ADAMTSL1: variants seen among roughly 807,000 people sequenced by gnomAD.
ADAMTSL1 encodes ADAMTS-like protein 1.
In ADAMTSL1, 126 loss-of-function variants were observed where a neutral mutation model predicts 201.8. That is an observed-to-expected ratio of 0.62 (90% CI 0.54 to 0.72). ADAMTSL1 has a LOEUF of 0.72. ADAMTSL1 is among the 30% of genes least tolerant of loss of function. The probability of loss-of-function intolerance (pLI) is 0.00; values close to 1 mark genes in which losing one functional copy is unlikely to be tolerated. For missense variants in ADAMTSL1, 2,679 were observed against 2,277.8 expected (o/e 1.18, Z -3.59); for synonymous variants, 1,121 against 903.4 (o/e 1.24, Z -4.32).
In ADAMTSL1 at chr9:18,178,476, G is replaced by C. The variant is rs558032263; in HGVS notation, c.207+14495G>C. 2.6e-3 allele frequency among the ~76,000 whole-genome samples: 394 copies of C among 152,256 alleles called. 1 individual carries two copies. The highest frequency in any genetic ancestry group is 3.7e-3 in the Admixed American group (56 of 15,298). On this transcript the variant is annotated intron_variant, in intron 2 of 29. Coordinates refer to the ADAMTSL1 transcript ENST00000680146. ...GGGGCGCCCGCCATTGCCCAGGCTT[G>C]CTTAGGTGAACAAAGCAGCCGGGAA...
intron 1 of ADAMTSL1, among the ~76,000 whole-genome samples, chr9:18,048,475 T>C (rs1163358789): frequency 6.6e-6 from 1 of 152,174 alleles, no homozygotes; most frequent in Non-Finnish European, 1.5e-5. Flanking sequence ...TAGTGGCTCA[T>C]TAATTGTAAC....
chr9:18,384,064 T>G (rs964628094), intron 2 of ADAMTSL1, among the ~76,000 whole-genome samples: 1 of 152,166 alleles, frequency 6.6e-6, no homozygotes, highest in Non-Finnish European at 1.5e-5. Context: ...GTTCTCACAC[T>G]GCTATAAAGA....
At chr9:17,919,266 A>C (rs1826216727) in intron 1 of ADAMTSL1, among the ~76,000 whole-genome samples, 1 of 151,616 alleles carries the variant, frequency 6.6e-6, no homozygotes, top group African/African-American at 2.4e-5. Context: ...CTTTTTGTAA[A>C]AAAAAAAAGC....
chr9:18,790,375 C>A (rs897693686), intron 19 of ADAMTSL1, among the ~76,000 whole-genome samples: 1 of 152,132 alleles, frequency 6.6e-6, no homozygotes, highest in Non-Finnish European at 1.5e-5. Context: ...GCATGGAGAT[C>A]AATTTGAGAA....
intron 2 of ADAMTSL1, among the ~76,000 whole-genome samples, chr9:18,366,605 G>A (rs1244786990): frequency 7.0e-6 from 1 of 143,342 alleles, no homozygotes; most frequent in Non-Finnish European, 1.5e-5. Flanking sequence ...TATTTAAATG[G>A]ATAGTGCCTC....
chr9:18,584,015 A>G (rs1441548440), intron 4 of ADAMTSL1, among the ~76,000 whole-genome samples: 1 of 152,196 alleles, frequency 6.6e-6, no homozygotes, highest in Non-Finnish European at 1.5e-5. Context: ...TTTTGAGTTA[A>G]TGCTGAAATG....
rs536993416 is a variant in ADAMTSL1 at position 18,129,623 on chromosome 9, A to G, written c.88-34239A>G. On this transcript the variant is annotated intron_variant, in intron 1 of 29. Coordinates refer to the ADAMTSL1 transcript ENST00000680146. ...GAAGAGATAGGCTTTGTAAACTTGT[A>G]TATGTTTATTAAGTTAATCTTATTT... is the stretch of plus-strand genomic sequence containing the variant. Among the ~76,000 whole-genome samples, 10 of 152,326 alleles carry G rather than the reference A, an allele frequency of 6.6e-5. No homozygotes were observed. The East Asian group carries it at 1.5e-3, about 23-fold the overall frequency.
chr9:18,674,737 A>G (rs1417090046), intron 9 of ADAMTSL1, among the ~76,000 whole-genome samples: 2 of 152,166 alleles, frequency 1.3e-5, no homozygotes, highest in Non-Finnish European at 2.9e-5. Context: ...CACAGATAGA[A>G]TACATGAGTT....
Position 18,026,623 on chromosome 9 carries a change from A to C in ADAMTSL1, c.87+119701A>C, listed in dbSNP as rs142337278. ...TTAGTTTGCAAGTATTGTCTTGAGGATTTTTGTGACTGTGTTCAGCAGGTA... is the reference window on the plus strand; with the variant it reads ...TTAGTTTGCAAGTATTGTCTTGAGGCTTTTTGTGACTGTGTTCAGCAGGTA... On this transcript the variant is annotated intron_variant, in intron 1 of 29. Transcript: ENST00000680146. Among the ~76,000 whole-genome samples, 425 of 152,072 alleles carry C rather than the reference A, an allele frequency of 2.8e-3. 3 individuals are homozygous for C. The highest frequency in any genetic ancestry group is 0.01 in the Middle Eastern group (3 of 294).
intron 1 of ADAMTSL1, among the ~76,000 whole-genome samples, chr9:18,122,618 AAAATTC>A (rs1434599574): frequency 6.6e-6 from 1 of 152,200 alleles, no homozygotes; most frequent in Non-Finnish European, 1.5e-5. Flanking sequence ...ATAAGCCTAC[AAAATTC>A]TGATTTTATA....
intron 2 of ADAMTSL1, among the ~76,000 whole-genome samples, chr9:18,206,245 G>T (rs914592837): frequency 2.6e-5 from 4 of 151,938 alleles, no homozygotes; most frequent in Non-Finnish European, 5.9e-5. Flanking sequence ...TTGTGTGTGT[G>T]TCCTTGTTCC....
At chr9:18,264,535 C>T (rs888506099) in intron 2 of ADAMTSL1, among the ~76,000 whole-genome samples, 1 of 152,132 alleles carries the variant, frequency 6.6e-6, no homozygotes, top group Non-Finnish European at 1.5e-5. Flanking sequence ...AAGCCACAGG[C>T]ACTGCCTCAG....
intron 14 of ADAMTSL1, among the ~76,000 whole-genome samples, chr9:18,707,947 G>T (rs972373961): frequency 2.0e-5 from 3 of 152,152 alleles, no homozygotes; most frequent in Non-Finnish European, 4.4e-5. Context: ...TAAAAATACG[G>T]TAGATTCATA....
At position 18,887,960 on chromosome 9, in the gene ADAMTSL1, G is replaced by C. The variant is rs748343553; in HGVS notation, c.4379G>C (p.Ser1460Thr). Residue 1460 changes from serine (S) to threonine (T), a missense_variant, in exon 24 of 29, where the codon AGC becomes ACC. Coordinates refer to ENST00000380548, the MANE Select transcript of ADAMTSL1 (RefSeq NM_001040272.6). ...CAGATCCTTCAAGTTGCAAACCTTAGCGGTGGGTCTCAAGGGGAATTCAGC... is the reference window on the plus strand; with the variant it reads ...CAGATCCTTCAAGTTGCAAACCTTACCGGTGGGTCTCAAGGGGAATTCAGC... Reference protein sequence around the residue: ...AGQILQVANLSGGSQGEFSCL... With the variant: ...AGQILQVANLTGGSQGEFSCL... The C allele has an allele frequency of 7.4e-6, 12 of 1,613,972 alleles. No homozygotes were observed. The Admixed American group carries it at 2.0e-4, about 27-fold the overall frequency.
At chr9:17,967,842 C>G (rs1290919915) in intron 1 of ADAMTSL1, among the ~76,000 whole-genome samples, 1 of 152,072 alleles carries the variant, frequency 6.6e-6, no homozygotes, top group Non-Finnish European at 1.5e-5. Flanking sequence ...TAGTTTTCCT[C>G]CTTTTGTCCA....
At position 18,889,654 on chromosome 9, in the gene ADAMTSL1, C is replaced by CT; in HGVS notation, c.4550dup (p.Asn1518GlufsTer70). ...TCAGCAGCCCCGCTTGAGGTGCCTG[C>CT]TGAACAGCACGGAGGTCAACCCTGC... On this transcript the variant is annotated frameshift_variant, in exon 25 of 29. Transcript: ENST00000380548. LOFTEE classifies it high-confidence loss of function. The CT allele has an allele frequency of 6.2e-7, 1 of 1,611,984 alleles. No homozygotes were observed. Among genetic ancestry groups the CT allele is most frequent in the Non-Finnish European group, 8.5e-7 (1 of 1,179,058 alleles).
At chr9:17,941,102 A>C (rs1027886151) in intron 1 of ADAMTSL1, among the ~76,000 whole-genome samples, 1 of 152,008 alleles carries the variant, frequency 6.6e-6, no homozygotes, top group Non-Finnish European at 1.5e-5. Context: ...TTCATGTTTC[A>C]TGCCATTTTG....
intron 2 of ADAMTSL1, among the ~76,000 whole-genome samples, chr9:18,395,793 C>G (rs1817730526): frequency 6.6e-6 from 1 of 152,124 alleles, no homozygotes; most frequent in African/African-American, 2.4e-5. Context: ...ATTTTAGTTT[C>G]TTTGGTCTGT....
chr9:18,671,834 G>C (rs962151787), intron 9 of ADAMTSL1, among the ~76,000 whole-genome samples: 1 of 152,046 alleles, frequency 6.6e-6, no homozygotes, highest in Non-Finnish European at 1.5e-5. Context: ...GCAGGAGATC[G>C]AGACCATCCT....
Sources: allele counts gnomAD v4.1 joint callset (sites outside exome capture counted in the v4.1 genomes callset), GRCh38; gene constraint gnomAD v4.1.1; transcripts MANE v1.5; gene names NCBI Gene and HGNC (gene_info 2026-07-23, HGNC 2026-07-21).